The following CDKL3 variants were observed in gnomAD, a reference collection of about 807,000 sequenced individuals.
CDKL3 encodes cyclin dependent kinase like 3.
A neutral mutation model predicts 69.3 loss-of-function variants in CDKL3; 65 were observed. The ratio of observed to expected loss-of-function variants is 0.94; its 90% CI spans 0.77 to 1.15. The LOEUF is 1.15. Ranked by LOEUF, CDKL3 falls within the 50% of genes most tolerant of loss-of-function variation. The pLI is 0.00. For synonymous variants in CDKL3, 202 were observed against 221.6 expected, an observed-to-expected ratio of 0.91 and a Z score of 0.79; for missense variants, 652 against 689.2, an observed-to-expected ratio of 0.95 and a Z score of 0.61.
intron 8 of CDKL3, among the ~76,000 whole-genome samples, chr5:134,288,290 T>C (rs1764965651): frequency 6.6e-6 from 1 of 152,218 alleles, no homozygotes; most frequent in African/African-American, 2.4e-5. Context: ...TGAGCTAAAC[T>C]TGCTTTTCTC....
At chr5:134,337,301 G>A (rs1777363295) in intron 4 of CDKL3, among the ~76,000 whole-genome samples, 1 of 152,132 alleles carries the variant, frequency 6.6e-6, no homozygotes, top group Non-Finnish European at 1.5e-5. Context: ...CTGACCCCTT[G>A]CACTTCCTGG....
At chr5:134,312,884 T>A (rs1427374931) in intron 6 of CDKL3, among the ~76,000 whole-genome samples, 2 of 152,348 alleles carry the variant, frequency 1.3e-5, no homozygotes, top group East Asian at 3.9e-4. Flanking sequence ...CTTTTCTGTT[T>A]CCCTTTCTTG....
At chr5:134,341,440 C>CCA (rs1364142865) in intron 4 of CDKL3, among the ~76,000 whole-genome samples, 1 of 152,138 alleles carries the variant, frequency 6.6e-6, no homozygotes, top group Non-Finnish European at 1.5e-5. Flanking sequence ...CCTAAAGAAT[C>CCA]CACTAAACTA....
At chr5:134,326,809 ATGTGTGTG>A (rs200681185) in intron 4 of CDKL3, among the ~76,000 whole-genome samples, 2 of 127,736 alleles carry the variant, frequency 1.6e-5, no homozygotes, top group African/African-American at 5.9e-5. Context: ...ATATATATAT[ATGTGTGTG>A]TATATATATA....
intron 8 of CDKL3, among the ~76,000 whole-genome samples, chr5:134,289,941 G>T (rs1342959210): frequency 6.6e-6 from 1 of 152,116 alleles, no homozygotes; most frequent in East Asian, 1.9e-4. Flanking sequence ...TTCCTCAAGT[G>T]ACTTACTATG....
intron 4 of CDKL3, among the ~76,000 whole-genome samples, chr5:134,343,202 CAAA>C (rs1260398112): frequency 1.2e-5 from 1 of 81,446 alleles, no homozygotes. Context: ...GAGATCTTGT[CAAA>C]AAAAAAAAAA....
At chr5:134,370,755 G>A (rs146060250), upstream of CDKL3, among the ~76,000 whole-genome samples, 3 of 152,324 alleles carry the variant, frequency 2.0e-5, no homozygotes, top group Non-Finnish European at 4.4e-5. Flanking sequence ...GTGGGCCTCA[G>A]TATTCAAGGC....
intron 2 of CDKL3, among the ~76,000 whole-genome samples, chr5:134,363,562 G>GC (rs1756589886): frequency 6.7e-6 from 1 of 149,790 alleles, no homozygotes; most frequent in Admixed American, 6.8e-5. Context: ...CTGGGTTCAA[G>GC]CAATTCTCCT....
intron 7 of CDKL3, among the ~76,000 whole-genome samples, chr5:134,309,666 G>C (rs1452387804): frequency 2.6e-5 from 4 of 152,092 alleles, no homozygotes; most frequent in Admixed American, 1.3e-4. Flanking sequence ...TAAAACATCA[G>C]CCCATGAATG....
chr5:134,329,143 C>G (rs946586933), intron 4 of CDKL3, among the ~76,000 whole-genome samples: 5 of 151,982 alleles, frequency 3.3e-5, no homozygotes, highest in African/African-American at 1.2e-4. Flanking sequence ...GAGTTCGAGA[C>G]CAGCCTAGGC....
intron 8 of CDKL3, among the ~76,000 whole-genome samples, chr5:134,291,052 T>C (rs533887478): frequency 3.9e-4 from 60 of 152,118 alleles, no homozygotes; most frequent in African/African-American, 1.3e-3. Flanking sequence ...TGATGTAGGG[T>C]ATAAGAAAAA....
At chr5:134,365,205 G>A (rs1581268903) in intron 2 of CDKL3, among the ~76,000 whole-genome samples, 1 of 151,788 alleles carries the variant, frequency 6.6e-6, no homozygotes, top group Non-Finnish European at 1.5e-5. Context: ...GGATGGTCTC[G>A]ATCTCCTGAC....
At position 134,298,566 on chromosome 5, in the gene CDKL3, A is replaced by T; in HGVS notation, c.*85T>A. 3 of 1,535,820 alleles carry T rather than the reference A, an allele frequency of 2.0e-6. No homozygotes were observed. The highest frequency in any genetic ancestry group is 2.6e-6 in the Non-Finnish European group (3 of 1,144,516). On this transcript the variant is annotated 3_prime_UTR_variant, in exon 13 of 13. Coordinates refer to ENST00000265334, the MANE Select transcript of CDKL3 (RefSeq NM_001113575.2). ...GCACATGGATGGCTGTCTTAACAAC[A>T]ACTCACATCACACTTCTATTGTAGA...
intron 10 of CDKL3, among the ~76,000 whole-genome samples, chr5:134,305,344 G>A (rs1767526247): frequency 6.6e-6 from 1 of 152,062 alleles, no homozygotes; most frequent in Admixed American, 6.5e-5. Flanking sequence ...AAATTCCTGG[G>A]ATCAAGCAAT....
At chr5:134,363,079 G>GA (rs928600206) in intron 2 of CDKL3, among the ~76,000 whole-genome samples, 6 of 151,710 alleles carry the variant, frequency 4.0e-5, no homozygotes, top group Non-Finnish European at 5.9e-5. Context: ...TGATTAAATA[G>GA]AAAAAAAATA....
chr5:134,319,812 C>T (rs1580943309), intron 5 of CDKL3, among the ~76,000 whole-genome samples: 1 of 152,156 alleles, frequency 6.6e-6, no homozygotes, highest in East Asian at 1.9e-4. Context: ...TTACGCATTT[C>T]CATATGGGTA....
At chr5:134,298,854 C>T in intron 12 of CDKL3, 144 bp from the exon 13 acceptor site, 1 of 1,090,450 alleles carries the variant, frequency 9.2e-7, no homozygotes, top group Non-Finnish European at 1.3e-6. Context: ...TGCTTCAATG[C>T]CTTGCTCAAC....
Position 134,359,996 on chromosome 5 carries a change from T to C in CDKL3, c.261A>G (p.Leu87=), listed in dbSNP as rs1755624123. The change falls in exon 3 of 13, where the codon TTA becomes TTG. Residue 87 remains leucine (L), a synonymous_variant. Transcript: ENST00000265334. The stretch of plus-strand genomic sequence containing the variant: ...CATGACAATAATGTTGTAACTCATC[T>C]AATACTGTGTGGTCAATAAATTCAA... ...LVFEFIDHTV[L]DELQHYCHGL... 2 of 1,566,276 alleles carry C rather than the reference T, an allele frequency of 1.3e-6. No individual in the cohort carries two copies. Among genetic ancestry groups the C allele is most frequent in the South Asian group, 1.2e-5 (1 of 85,162 alleles).
intron 2 of CDKL3, 55 bp downstream of exon 2, chr5:134,366,304 T>C (rs908068025): frequency 3.1e-6 from 4 of 1,295,680 alleles, no homozygotes; most frequent in Non-Finnish European, 4.2e-6. Flanking sequence ...TGCAATTTTT[T>C]ATTCCATAAC....
Sources: allele counts gnomAD v4.1 joint callset (sites outside exome capture counted in the v4.1 genomes callset), GRCh38; gene constraint gnomAD v4.1.1; transcripts MANE v1.5; gene names NCBI Gene and HGNC (gene_info 2026-07-23, HGNC 2026-07-21).